Variants in SRPX observed in about 807,000 individuals in gnomAD.
The protein encoded by SRPX is sushi repeat containing protein X-linked.
In SRPX, 24 loss-of-function variants were observed where a neutral mutation model predicts 38.1. The ratio of observed to expected loss-of-function variants is 0.63; its 90% CI spans 0.46 to 0.89. SRPX has a LOEUF of 0.89. Ranked by LOEUF, SRPX falls within the 40% of genes least tolerant of loss-of-function variation. SRPX has a pLI of 0.00. For missense variants in SRPX, 416 were observed against 377.8 expected, an observed-to-expected ratio of 1.10 and a Z score of -0.84; for synonymous variants, 184 against 153.8, an observed-to-expected ratio of 1.20 and a Z score of -1.45.
chrX:38,165,674 C>A (rs1938354337), intron 4 of SRPX, among the ~76,000 whole-genome samples: 1 of 112,155 alleles, frequency 8.9e-6, no homozygotes, highest in Non-Finnish European at 1.9e-5. Flanking sequence ...GCACTTGCCA[C>A]TGGAACAAGC....
chrX:38,203,337 C>T (rs112086618), intron 1 of SRPX, among the ~76,000 whole-genome samples: 1,345 of 112,245 alleles, frequency 0.012, 31 homozygotes, highest in African/African-American at 0.042. Context: ...TTATACTTTA[C>T]GATGAAAGAC....
At chrX:38,153,391 G>A (rs1230960507) in intron 9 of SRPX, among the ~76,000 whole-genome samples, 1 of 103,873 alleles carries the variant, frequency 9.6e-6, no homozygotes, top group Non-Finnish European at 2.0e-5. Context: ...ACATGGGATG[G>A]GTCAAAGGCA....
chrX:38,180,271 C>A (rs1018082206), intron 1 of SRPX, among the ~76,000 whole-genome samples: 3 of 111,644 alleles, frequency 2.7e-5, no homozygotes, highest in Non-Finnish European at 5.6e-5. Flanking sequence ...TTTCATGAAG[C>A]TCTCTTCTGC....
intron 1 of SRPX, among the ~76,000 whole-genome samples, chrX:38,202,283 G>T (rs1180078551): frequency 5.4e-5 from 6 of 111,083 alleles, no homozygotes; most frequent in Non-Finnish European, 9.4e-5. Context: ...TTTAATCTTG[G>T]TTTTTTCAGG....
chrX:38,150,024 T>A (rs1169120534), intron 9 of SRPX, 130 bp from the exon 10 acceptor site: 2 of 534,451 alleles, frequency 3.7e-6, no homozygotes, highest in Non-Finnish European at 5.6e-6. Flanking sequence ...GAATCATCCT[T>A]TAGACCCTGT....
chrX:38,151,322 T>A (rs1398313158), intron 9 of SRPX, among the ~76,000 whole-genome samples: 1 of 112,135 alleles, frequency 8.9e-6, no homozygotes, highest in Non-Finnish European at 1.9e-5. Flanking sequence ...AATGAAGAGA[T>A]AAAATGCTCT....
At chrX:38,195,924 A>G (rs754776730) in intron 1 of SRPX, among the ~76,000 whole-genome samples, 1 of 112,010 alleles carries the variant, frequency 8.9e-6, no homozygotes, top group African/African-American at 3.2e-5. Context: ...ACTACATCCC[A>G]GGGCCTTAAA....
chrX:38,168,934 CT>C (rs1938414363), intron 4 of SRPX, among the ~76,000 whole-genome samples: 1 of 112,252 alleles, frequency 8.9e-6, no homozygotes, highest in African/African-American at 3.2e-5. Flanking sequence ...GGGAGGATCA[CT>C]TAAGCCTGGG....
intron 7 of SRPX, among the ~76,000 whole-genome samples, chrX:38,157,592 T>C (rs975051040): frequency 8.9e-6 from 1 of 112,167 alleles, no homozygotes; most frequent in Admixed American, 9.4e-5. Context: ...TAATTCAGGA[T>C]ACTCTTCCCA....
At chrX:38,181,169 A>G in intron 1 of SRPX, among the ~76,000 whole-genome samples, 1 of 112,369 alleles carries the variant, frequency 8.9e-6, no homozygotes, top group Non-Finnish European at 1.9e-5. Flanking sequence ...AGACATCTGT[A>G]CCAGAAAGGA....
chrX:38,215,971 T>C (rs1343997163), intron 1 of SRPX, among the ~76,000 whole-genome samples: 1 of 112,340 alleles, frequency 8.9e-6, no homozygotes, highest in Non-Finnish European at 1.9e-5. Flanking sequence ...TTTCTGCCCA[T>C]TAAGTGCATA....
rs766812159 is a variant in SRPX, at chrX:38,160,947, C to T, written c.761G>A (p.Arg254Gln). Residue 254 changes from arginine to glutamine, a missense_variant, in exon 6 of 10, where the codon CGA becomes CAA. Arg to Gln is a conservative substitution (Grantham distance 43). Coordinates refer to ENST00000378533, the MANE Select transcript of SRPX (RefSeq NM_006307.5). Reference sequence around the variant, plus strand: ...AGTACTCTTACCTCTTACTTTAACTCGAAATTTGCAAGTGCCCTTATTCTC... The same window carrying T: ...AGTACTCTTACCTCTTACTTTAACTTGAAATTTGCAAGTGCCCTTATTCTC... ...RAENKGTCKF[R>Q]VKVRVKRCGK... The T allele has an allele frequency of 5.8e-6, 7 of 1,209,031 alleles. No homozygotes were observed. Among genetic ancestry groups the T allele is most frequent in the East Asian group, 3.0e-5 (1 of 33,819 alleles).
chrX:38,153,302 C>CTTTTTTTTTTTTTTTTTTTTTT (rs58888978), intron 9 of SRPX, among the ~76,000 whole-genome samples: 1 of 54,740 alleles, frequency 1.8e-5, no homozygotes, highest in African/African-American at 7.5e-5. Flanking sequence ...TTCTTTCTTT[C>CTTTTTTTTTTTTTTTTTTTTTT]TTTTTTTTTT....
chrX:38,166,959 T>C (rs749553749), intron 4 of SRPX, among the ~76,000 whole-genome samples: 37 of 111,904 alleles, frequency 3.3e-4, no homozygotes, highest in Admixed American at 5.7e-4. Context: ...TAGCTAACAA[T>C]GATCAGCTGA....
At chrX:38,176,118 C>G (rs903050185) in intron 2 of SRPX, among the ~76,000 whole-genome samples, 7 of 111,245 alleles carry the variant, frequency 6.3e-5, no homozygotes, top group Non-Finnish European at 1.3e-4. Flanking sequence ...TAACAATATA[C>G]TGTAATGAAA....
chrX:38,200,350 T>C lies in SRPX; in HGVS notation c.97+20346A>G, dbSNP rs193225281. On this transcript the variant is annotated intron_variant, in intron 1 of 9. Transcript: ENST00000378533. ...AACAATAGCCTCATCTGAAAGATCA[T>C]CTTTTACTGAATCTCCCTCAACTCC... Among the ~76,000 whole-genome samples the C allele has an allele frequency of 1.2e-4, 14 of 112,612 alleles. No homozygotes were observed. In the East Asian group the frequency reaches 3.9e-3, roughly 31 times the overall value.
At chrX:38,206,142 TGCTGGAGAGTAAG>T (rs752494723) in intron 1 of SRPX, among the ~76,000 whole-genome samples, 1 of 112,932 alleles carries the variant, frequency 8.9e-6, no homozygotes, top group East Asian at 2.8e-4. Flanking sequence ...GCCAGCTTCC[TGCTGGAGAGTAAG>T]GCAACACGGG....
At chrX:38,155,426 C>T (rs1312723008) in intron 8 of SRPX, among the ~76,000 whole-genome samples, 1 of 111,938 alleles carries the variant, frequency 8.9e-6, no homozygotes, top group Non-Finnish European at 1.9e-5. Flanking sequence ...AATATCTTAT[C>T]CAACCAGTTG....
chrX:38,199,918 C>A (rs1939078999), intron 1 of SRPX, among the ~76,000 whole-genome samples: 1 of 111,941 alleles, frequency 8.9e-6, no homozygotes, highest in Admixed American at 9.5e-5. Flanking sequence ...TTCAAAAGAG[C>A]CTATTAATTT....
Sources: allele counts gnomAD v4.1 joint callset (sites outside exome capture counted in the v4.1 genomes callset), GRCh38; gene constraint gnomAD v4.1.1; transcripts MANE v1.5; gene names NCBI Gene and HGNC (gene_info 2026-07-23, HGNC 2026-07-21).